Variants in PITPNC1 observed in about 807,000 individuals in gnomAD.
The protein encoded by PITPNC1 is cytoplasmic phosphatidylinositol transfer protein 1.
Under a neutral mutation model 44.7 loss-of-function variants are expected in PITPNC1, and 18 were observed. That is an observed-to-expected ratio of 0.40 (90% confidence interval 0.28 to 0.60). PITPNC1 has a LOEUF of 0.60. PITPNC1 is among the 20% of genes least tolerant of loss of function. The probability of loss-of-function intolerance (pLI) is 0.39; values close to 1 mark genes in which losing one functional copy is unlikely to be tolerated. For missense variants in PITPNC1, 290 were observed against 418.4 expected (o/e 0.69, Z 2.68); for synonymous variants, 141 against 149.6 (o/e 0.94, Z 0.42).
At chr17:67,454,245 C>A (rs1487245191) in intron 1 of PITPNC1, among the ~76,000 whole-genome samples, 1 of 140,702 alleles carries the variant, frequency 7.1e-6, no homozygotes, top group Non-Finnish European at 1.5e-5. Flanking sequence ...AGCAAGACTC[C>A]GTTCTCAAAA....
Position 67,417,311 on chromosome 17 carries a change from G to A in PITPNC1, c.48+39109G>A, listed in dbSNP as rs77218045. ...CTTGGCTAATTTTTTACATTGTTTTGTAGAGACAGGTCTTGCTATGTTTGC... is the reference window on the plus strand; with the variant it reads ...CTTGGCTAATTTTTTACATTGTTTTATAGAGACAGGTCTTGCTATGTTTGC... On this transcript the variant is annotated intron_variant, in intron 1 of 8. Coordinates refer to ENST00000581322, the MANE Select transcript of PITPNC1 (RefSeq NM_012417.4). Among the ~76,000 whole-genome samples the A allele has an allele frequency of 3.2e-4, 48 of 151,600 alleles. 1 individual carries two copies. The East Asian group carries it at 9.4e-3, about 30-fold the overall frequency.
chr17:67,558,460 T>C (rs2144183437), intron 4 of PITPNC1, among the ~76,000 whole-genome samples: 1 of 150,968 alleles, frequency 6.6e-6, no homozygotes, highest in African/African-American at 2.4e-5. Context: ...TTTGTTTTTC[T>C]AGAGCTAAAA....
At chr17:67,655,390 C>A (rs2042251926) in intron 6 of PITPNC1, among the ~76,000 whole-genome samples, 1 of 151,694 alleles carries the variant, frequency 6.6e-6, no homozygotes, top group South Asian at 2.1e-4. Context: ...AACCCCATCT[C>A]TACTAAAAAC....
Position 67,612,491 on chromosome 17 carries a change from G to A in PITPNC1, c.367-19652G>A, listed in dbSNP as rs1480232269. The A allele has an allele frequency of 5.2e-5, 8 of 152,416 alleles. No homozygotes were observed. The East Asian group carries it at 1.4e-3, about 26-fold the overall frequency. 9.4% of individuals were successfully genotyped at this position (152,416 alleles called of 1,614,324 possible). A position where few individuals can be genotyped will look rare whatever the true frequency, so the allele number is the denominator to read the frequency against. ...TTCCAGGTGATGAAATGGAGGCCTGGAGGAGTTTCTAAAGTCGTACAACTC... is the reference window on the plus strand; with the variant it reads ...TTCCAGGTGATGAAATGGAGGCCTGAAGGAGTTTCTAAAGTCGTACAACTC... On this transcript the variant is annotated intron_variant, in intron 5 of 8. Coordinates refer to ENST00000581322, the MANE Select transcript of PITPNC1 (RefSeq NM_012417.4).
intron 1 of PITPNC1, chr17:67,457,481 G>C (rs2039271821): frequency 6.6e-6 from 1 of 152,394 alleles, no homozygotes; most frequent in Non-Finnish European, 1.5e-5. Flanking sequence ...CCGCCTCCCA[G>C]GTTCAAGCCA....
rs1229762142 is a variant in PITPNC1 at position 67,695,630 on chromosome 17, AT to A, written c.*2743del. 2.6e-4 allele frequency: 38 copies of A among 145,388 alleles called. No individual in the cohort carries two copies. Among genetic ancestry groups the A allele is most frequent in the Non-Finnish European group, 3.2e-4 (21 of 66,308 alleles). The allele number at this position is 145,388 out of a possible 1,614,324, so 9.0% of individuals were successfully genotyped here. A position where few individuals can be genotyped will look rare whatever the true frequency, so the allele number is the denominator to read the frequency against. ...TGTATATATATATATATATATATAT[AT>A]AAATATAAATATAGTATAGTGAATC... On this transcript the variant is annotated 3_prime_UTR_variant, in exon 9 of 9. Coordinates refer to ENST00000581322, the MANE Select transcript of PITPNC1 (RefSeq NM_012417.4).
intron 6 of PITPNC1, among the ~76,000 whole-genome samples, chr17:67,669,274 C>A (rs1247103920): frequency 2.0e-5 from 3 of 152,070 alleles, no homozygotes; most frequent in Admixed American, 2.0e-4. Flanking sequence ...TACCACCATG[C>A]CCAGCTAATT....
At chr17:67,518,193 G>C (rs891717664) in intron 1 of PITPNC1, among the ~76,000 whole-genome samples, 6 of 152,166 alleles carry the variant, frequency 3.9e-5, no homozygotes, top group African/African-American at 7.2e-5. Flanking sequence ...ATAACAAATA[G>C]AAGTGCTGTT....
intron 1 of PITPNC1, among the ~76,000 whole-genome samples, chr17:67,446,192 G>A (rs536908676): frequency 4.6e-5 from 7 of 151,796 alleles, no homozygotes; most frequent in East Asian, 3.9e-4. Flanking sequence ...TGATCCACCC[G>A]CCTCGGCCTC....
chr17:67,588,187 AGAGACGG>A (rs2041347125), intron 5 of PITPNC1, among the ~76,000 whole-genome samples: 1 of 152,034 alleles, frequency 6.6e-6, no homozygotes, highest in African/African-American at 2.4e-5. Flanking sequence ...TATTTTTAGT[AGAGACGG>A]GATTTCACCA....
chr17:67,519,298 T>G (rs1367207920), intron 1 of PITPNC1, among the ~76,000 whole-genome samples: 2 of 146,680 alleles, frequency 1.4e-5, no homozygotes, highest in Admixed American at 1.4e-4. Flanking sequence ...TCCTTCAGCC[T>G]CCCAAGTAGC....
chr17:67,412,385 G>A (rs1193319646), intron 1 of PITPNC1, among the ~76,000 whole-genome samples: 2 of 152,118 alleles, frequency 1.3e-5, no homozygotes, highest in African/African-American at 4.8e-5. Context: ...CTTGGAATTA[G>A]CCAAGTTCTC....
At chr17:67,452,626 G>C (rs2039198834) in intron 1 of PITPNC1, among the ~76,000 whole-genome samples, 1 of 151,222 alleles carries the variant, frequency 6.6e-6, no homozygotes, top group Admixed American at 6.6e-5. Flanking sequence ...CCAAGTAGCT[G>C]GGACTACAGG....
chr17:67,571,770 CTTTT>C (rs2041060722), intron 4 of PITPNC1, among the ~76,000 whole-genome samples: 1 of 152,226 alleles, frequency 6.6e-6, no homozygotes, highest in Admixed American at 6.5e-5. Context: ...AGAATCTCTG[CTTTT>C]TCTAAAGTGA....
chr17:67,660,538 ATT>A lies in PITPNC1; in HGVS notation c.463-8968_463-8967del, dbSNP rs1491144590. 3.2e-5 allele frequency among the ~76,000 whole-genome samples: 3 copies of A among 93,426 alleles called. No homozygotes were observed. In the Admixed American group the frequency reaches 3.5e-4, roughly 11 times the overall value. The allele number at this position is 93,426 out of a possible 152,430, so 61.3% of individuals were successfully genotyped here. On this transcript the variant is annotated intron_variant, in intron 6 of 8. Transcript: ENST00000581322. ...TTTTATTTTATTTATTTATTTATTTATTTGTTTATTTATTTATTTTTGAGATG... is the reference window on the plus strand; with the variant it reads ...TTTTATTTTATTTATTTATTTATTTATGTTTATTTATTTATTTTTGAGATG...
chr17:67,693,859 C>T lies in PITPNC1; in HGVS notation c.*971C>T, dbSNP rs1356899890. ...TAAAAAAGAGAACTGTCTCCCATCCCCTTCCTTGTTTTACTCTTAGTAACA... is the reference window on the plus strand; with the variant it reads ...TAAAAAAGAGAACTGTCTCCCATCCTCTTCCTTGTTTTACTCTTAGTAACA... On this transcript the variant is annotated 3_prime_UTR_variant, in exon 9 of 9. Transcript: ENST00000581322. 6.6e-6 allele frequency: 1 copy of T among 152,202 alleles called. No homozygotes were observed. The highest frequency in any genetic ancestry group is 2.4e-5 in the African/African-American group (1 of 41,450). 9.4% of individuals were successfully genotyped at this position (152,202 alleles called of 1,614,324 possible).
At chr17:67,632,430 T>A in intron 6 of PITPNC1, 192 bp downstream of exon 6, 1 of 588,434 alleles carries the variant, frequency 1.7e-6, no homozygotes, top group Non-Finnish European at 3.0e-6. Flanking sequence ...TCATTGGCCC[T>A]GGCTGTTACT....
At chr17:67,454,101 A>G (rs1272221794) in intron 1 of PITPNC1, among the ~76,000 whole-genome samples, 1 of 152,086 alleles carries the variant, frequency 6.6e-6, no homozygotes, top group Non-Finnish European at 1.5e-5. Context: ...AAATACAAAA[A>G]TTACCTGGGC....
At chr17:67,523,589 T>C (rs1408047139) in intron 1 of PITPNC1, among the ~76,000 whole-genome samples, 1 of 151,964 alleles carries the variant, frequency 6.6e-6, no homozygotes, top group East Asian at 1.9e-4. Flanking sequence ...GAGAAGTAAA[T>C]CGTCTAAGGT....
Sources: allele counts gnomAD v4.1 joint callset (sites outside exome capture counted in the v4.1 genomes callset), GRCh38; gene constraint gnomAD v4.1.1; transcripts MANE v1.5; gene names NCBI Gene and HGNC (gene_info 2026-07-23, HGNC 2026-07-21).